Variants in TRIM27 observed in about 807,000 individuals in gnomAD.
The protein encoded by TRIM27 is zinc finger protein RFP.
A neutral mutation model predicts 57.6 loss-of-function variants in TRIM27; 12 were observed. The observed-to-expected ratio is 0.21, with a 90% CI of 0.13 to 0.34. The LOEUF is 0.34. Ranked by LOEUF, TRIM27 falls within the 10% of genes least tolerant of loss-of-function variation. The probability of loss-of-function intolerance (pLI) is 1.00; values close to 1 mark genes in which losing one functional copy is unlikely to be tolerated. For synonymous variants in TRIM27, 266 were observed against 259.0 expected (o/e 1.03, Z -0.26); for missense variants, 403 against 656.8 (o/e 0.61, Z 4.22).
chr6:28,917,858 C>T (rs1226321711), intron 3 of TRIM27, among the ~76,000 whole-genome samples: 109 of 148,734 alleles, frequency 7.3e-4, no homozygotes, highest in African/African-American at 2.4e-3. Flanking sequence ...GACAGGGTTT[C>T]GCTCATTGCC....
At position 28,904,124 on chromosome 6, in the gene TRIM27, A is replaced by T; in HGVS notation, c.1488T>A (p.Asp496Glu). Residue 496 changes from aspartate to glutamate, a missense_variant, in exon 8 of 8, where the codon GAT (aspartate) becomes GAA (glutamate). Physicochemically the swap from Asp to Glu is conservative, Grantham distance 45 (BLOSUM62 2). Coordinates refer to ENST00000377199, the MANE Select transcript of TRIM27 (RefSeq NM_006510.5). This position sits in a 1 kb window ranked among gnomAD's most constrained non-coding sequence, Gnocchi z 6.1. ...GATTCCCAACATGGCCAGAAAACCC[A>T]TCTATCCCACTCATGGGGCAGATGA... ...PLIICPMSGI[D>E]GFSGHVGNHG... 6.2e-7 allele frequency: 1 copy of T among 1,613,012 alleles called. No homozygotes were observed. Among genetic ancestry groups the T allele is most frequent in the Non-Finnish European group, 8.5e-7 (1 of 1,180,012 alleles).
Position 28,923,708 on chromosome 6 carries a change from T to G in TRIM27, c.-76A>C. Reference sequence around the variant, plus strand: ...CACTGAGCCCAACTCTCCGGCGCTCTCTCCGGTTCGCTGTTCCTGAGAGGC... The same window carrying G: ...CACTGAGCCCAACTCTCCGGCGCTCGCTCCGGTTCGCTGTTCCTGAGAGGC... On this transcript the variant is annotated 5_prime_UTR_variant, in exon 1 of 8. Transcript: ENST00000377199. 1 of 1,412,992 alleles carries G rather than the reference T, an allele frequency of 7.1e-7. No homozygotes were observed. The highest frequency in any genetic ancestry group is 9.3e-7 in the Non-Finnish European group (1 of 1,069,666). The allele number at this position is 1,412,992 out of a possible 1,614,324, so 87.5% of individuals were successfully genotyped here.
At position 28,904,520 on chromosome 6, in the gene TRIM27, T is replaced by C. The variant is rs143422492; in HGVS notation, c.1092A>G (p.Pro364=). ...AATAATGTCTCCCGGCGATGAAGCA[T>C]GGAGAGCCCAAGACACAGGGAAACA... The part of the protein sequence containing the change: ...FNLFPCVLGS[P]CFIAGRHYWE... The change falls in exon 8 of 8, where the codon CCA becomes CCG. Residue 364 remains proline (P), a synonymous_variant. Coordinates refer to ENST00000377199, the MANE Select transcript of TRIM27 (RefSeq NM_006510.5). The surrounding 1 kb of genome is among the most constrained non-coding windows in gnomAD (Gnocchi z 6.1). 17 of 1,612,760 alleles carry C rather than the reference T, an allele frequency of 1.1e-5. No homozygotes were observed. The African/African-American group carries it at 1.6e-4, about 15-fold the overall frequency.
intron 1 of TRIM27, among the ~76,000 whole-genome samples, chr6:28,922,688 A>T (rs1212220082): frequency 6.6e-6 from 1 of 152,300 alleles, no homozygotes; most frequent in Middle Eastern, 3.4e-3. Flanking sequence ...AATATTCCTC[A>T]TAACTGTGTT....
At chr6:28,909,617 T>G (rs1773032702) in intron 4 of TRIM27, among the ~76,000 whole-genome samples, 1 of 152,194 alleles carries the variant, frequency 6.6e-6, no homozygotes, top group Admixed American at 6.5e-5. Context: ...TTTCAAATAC[T>G]AAGTACTCAA....
Position 28,903,854 on chromosome 6 carries a change from T to G in TRIM27, c.*216A>C. On this transcript the variant is annotated 3_prime_UTR_variant, in exon 8 of 8. Coordinates refer to ENST00000377199, the MANE Select transcript of TRIM27 (RefSeq NM_006510.5). ...GAAACACTGGAGGTGGACATCTGGT[T>G]TTTATTTCTAGGATATCTTGATACA... is the stretch of plus-strand genomic sequence containing the variant. 1.8e-6 allele frequency: 1 copy of G among 567,748 alleles called. No individual in the cohort carries two copies. Among genetic ancestry groups the G allele is most frequent in the South Asian group, 2.5e-5 (1 of 39,230 alleles). The allele number at this position is 567,748 out of a possible 1,614,324, so 35.2% of individuals were successfully genotyped here.
chr6:28,908,941 AT>A, intron 5 of TRIM27, 31 bp downstream of exon 5: 1 of 1,603,306 alleles, frequency 6.2e-7, no homozygotes, highest in Non-Finnish European at 8.5e-7. Flanking sequence ...GTATAAATCC[AT>A]TTCCCCTCAT....
chr6:28,923,436 C>T lies in TRIM27; in HGVS notation c.197G>A (p.Arg66Gln), dbSNP rs201270419. 5.6e-6 allele frequency: 9 copies of T among 1,612,036 alleles called. No homozygotes were observed. The highest frequency in any genetic ancestry group is 7.6e-6 in the Non-Finnish European group (9 of 1,179,414). The change falls in exon 1 of 8, where the codon CGG becomes CAG. Residue 66 changes from arginine (R) to glutamine (Q), a missense_variant. Physicochemically the swap from Arg to Gln is conservative, Grantham distance 43 (BLOSUM62 1). Coordinates refer to ENST00000377199, the MANE Select transcript of TRIM27 (RefSeq NM_006510.5). ...CACGTTGGCCAGGTGCCGGTTGGGC[C>T]GCATGTGCCTCTGCGGGAAGGTCTC... ...CRETFPQRHM[R>Q]PNRHLANVTQ...
In TRIM27 at chr6:28,903,271, G is replaced by A. The variant is rs79543762; in HGVS notation, c.*799C>T. The A allele has an allele frequency of 5.1e-3, 1,191 of 233,120 alleles. 13 individuals are homozygous for A. The highest frequency in any genetic ancestry group is 0.045 in the South Asian group (249 of 5,524). 14.4% of individuals were successfully genotyped at this position (233,120 alleles called of 1,614,324 possible). Reference sequence around the variant, plus strand: ...AATATTGTCCCAGAATCCTTCCAGGGATGGTATACGACTGGCCACCAGTCC... The same window carrying A: ...AATATTGTCCCAGAATCCTTCCAGGAATGGTATACGACTGGCCACCAGTCC... On this transcript the variant is annotated 3_prime_UTR_variant, in exon 8 of 8. Transcript: ENST00000377199.
Position 28,904,101 on chromosome 6 carries a change from T to C in TRIM27, c.1511A>G (p.Asn504Ser), listed in dbSNP as rs145805719. 15 of 1,612,948 alleles carry C rather than the reference T, an allele frequency of 9.3e-6. No homozygotes were observed. The highest frequency in any genetic ancestry group is 2.7e-5 in the African/African-American group (2 of 74,918). Residue 504 changes from asparagine to serine, a missense_variant, in exon 8 of 8, where the codon AAT (asparagine) becomes AGT (serine). Physicochemically the swap from Asn to Ser is conservative, Grantham distance 46. Transcript: ENST00000377199. This position sits in a 1 kb window ranked among gnomAD's most constrained non-coding sequence, Gnocchi z 6.1. ...GGAGGTCTCCATGGAATGACCATGA[T>C]TCCCAACATGGCCAGAAAACCCATC... ...GIDGFSGHVG[N>S]HGHSMETSP is the part of the protein sequence containing the mutation.
Position 28,904,145 on chromosome 6 carries a change from G to C in TRIM27, c.1467C>G (p.Ile489Met). 3.1e-6 allele frequency: 5 copies of C among 1,613,090 alleles called. No homozygotes were observed. The highest frequency in any genetic ancestry group is 4.2e-6 in the Non-Finnish European group (5 of 1,180,030). ...SGGKSAAPLI[I>M]CPMSGIDGFS... ...ACCCATCTATCCCACTCATGGGGCA[G>C]ATGATCAGAGGAGCTGCACTTTTCC... The change falls in exon 8 of 8, where the codon ATC (isoleucine) becomes ATG (methionine). Residue 489 changes from isoleucine (I) to methionine (M), a missense_variant. Transcript: ENST00000377199. This position sits in a 1 kb window ranked among gnomAD's most constrained non-coding sequence, Gnocchi z 6.1.
chr6:28,913,265 A>ATAT (rs1308876801), intron 3 of TRIM27, among the ~76,000 whole-genome samples: 82 of 139,526 alleles, frequency 5.9e-4, no homozygotes, highest in African/African-American at 2.0e-3. Flanking sequence ...CAAAAAAAAA[A>ATAT]AAAAATATAT....
chr6:28,918,423 C>G (rs754495495), intron 3 of TRIM27, among the ~76,000 whole-genome samples: 1 of 152,064 alleles, frequency 6.6e-6, no homozygotes, highest in Non-Finnish European at 1.5e-5. Context: ...TACCTAAGAT[C>G]ACCAATGATG....
At chr6:28,916,466 C>T (rs1015599099) in intron 3 of TRIM27, among the ~76,000 whole-genome samples, 2 of 151,704 alleles carry the variant, frequency 1.3e-5, no homozygotes, top group Non-Finnish European at 2.9e-5. Flanking sequence ...GCAGGAGAAT[C>T]GCTTGAACCT....
At chr6:28,908,289 GAA>G (rs1285358135) in intron 6 of TRIM27, 2 of 157,384 alleles carry the variant, frequency 1.3e-5, no homozygotes, top group Non-Finnish European at 2.8e-5. Flanking sequence ...TACAGATGAG[GAA>G]ATTACTTGTT....
intron 6 of TRIM27, chr6:28,908,598 T>C (rs1772950534): frequency 1.9e-6 from 1 of 520,538 alleles, no homozygotes. Flanking sequence ...CAATGCAGAC[T>C]GCGAATTGAC....
chr6:28,923,740 C>A lies in TRIM27; in HGVS notation c.-108G>T. ...TTCGCTGTTCCTGAGAGGCACCGGG[C>A]GGACGGAGGGCGGCGCCTCCCGGGC... On this transcript the variant is annotated 5_prime_UTR_variant, in exon 1 of 8. Transcript: ENST00000377199. 3 of 1,270,662 alleles carry A rather than the reference C, an allele frequency of 2.4e-6. No homozygotes were observed. The highest frequency in any genetic ancestry group is 1.5e-5 in the African/African-American group (1 of 65,014). The allele number at this position is 1,270,662 out of a possible 1,614,324, so 78.7% of individuals were successfully genotyped here. A position where few individuals can be genotyped will look rare whatever the true frequency, so the allele number is the denominator to read the frequency against.
At chr6:28,913,990 C>CA (rs1773411778) in intron 3 of TRIM27, among the ~76,000 whole-genome samples, 1 of 144,944 alleles carries the variant, frequency 6.9e-6, no homozygotes, top group Non-Finnish European at 1.5e-5. Context: ...AGTTCTCCCT[C>CA]AGAGCTCTTC....
Position 28,904,980 on chromosome 6 carries a change from A to G in TRIM27, c.947-315T>C. ...TAGGCTGGAGCGCAGTGGTGTGGTC[A>G]TAGTTCATTGTAACCCCAAACTCCT... On this transcript the variant is annotated intron_variant, in intron 7 of 7. Transcript: ENST00000377199. This position sits in a 1 kb window ranked among gnomAD's most constrained non-coding sequence, Gnocchi z 6.1. 1 of 338,662 alleles carries G rather than the reference A, an allele frequency of 3.0e-6. No homozygotes were observed. Among genetic ancestry groups the G allele is most frequent in the Non-Finnish European group, 5.4e-6 (1 of 184,972 alleles). 21.0% of individuals were successfully genotyped at this position (338,662 alleles called of 1,614,324 possible).
Sources: gnomAD v4.1 joint callset for allele counts (sites outside exome capture counted in the v4.1 genomes callset) on GRCh38, gnomAD v4.1.1 for gene constraint, Gnocchi (gnomAD v3.1) non-coding constraint, MANE v1.5 for transcripts, NCBI Gene and HGNC (gene_info 2026-07-23, HGNC 2026-07-21) for gene names.